The following EPS8L2 variants were observed in gnomAD, a reference collection of about 807,000 sequenced individuals.
The protein encoded by EPS8L2 is epidermal growth factor receptor kinase substrate 8-like protein 2.
EPS8L2 carries 81 observed loss-of-function variants against 99.4 expected under a neutral mutation model. That is an observed-to-expected ratio of 0.82 (90% CI 0.68 to 0.98). The LOEUF (loss-of-function observed/expected upper bound fraction) is 0.98, where lower values mean the gene tolerates loss of function less well. EPS8L2 is among the 50% of genes least tolerant of loss of function. The probability of loss-of-function intolerance (pLI) is 0.00; values close to 1 mark genes in which losing one functional copy is unlikely to be tolerated. For synonymous variants in EPS8L2, 509 were observed against 407.3 expected (o/e 1.25, Z -3.01); for missense variants, 1,155 against 968.8 (o/e 1.19, Z -2.55).
chr11:718,201 T>A (rs1260921764), intron 4 of EPS8L2, among the ~76,000 whole-genome samples: 1 of 151,546 alleles, frequency 6.6e-6, no homozygotes, highest in Non-Finnish European at 1.5e-5. Context: ...GGTGTGGTGG[T>A]GGGTGCCTAT....
At chr11:709,267 G>T (rs2133497568) in intron 1 of EPS8L2, 63 bp from the exon 2 acceptor site, 3 of 1,028,814 alleles carry the variant, frequency 2.9e-6, no homozygotes, top group Non-Finnish European at 2.9e-6. Flanking sequence ...TCTGGCCCAG[G>T]GAAGGAGGGG....
intron 20 of EPS8L2, 61 bp from the exon 21 acceptor site, chr11:726,840 G>A (rs774838977): frequency 3.1e-6 from 5 of 1,590,532 alleles, no homozygotes; most frequent in Non-Finnish European, 4.3e-6. Flanking sequence ...GAGCAAGGGG[G>A]AGGCCGGCAC....
chr11:711,269 CGTGTGTGT>C (rs201018308), intron 4 of EPS8L2, among the ~76,000 whole-genome samples: 2 of 117,276 alleles, frequency 1.7e-5, no homozygotes, highest in Non-Finnish European at 2.0e-5. Flanking sequence ...TGCGTGCGTG[CGTGTGTGT>C]GTGTGTGTGT....
chr11:715,385 T>C (rs964398639), intron 4 of EPS8L2, among the ~76,000 whole-genome samples: 1 of 152,204 alleles, frequency 6.6e-6, no homozygotes. Context: ...CTGTAAGATC[T>C]GTAGTGATGC....
intron 4 of EPS8L2, among the ~76,000 whole-genome samples, chr11:713,219 T>C (rs1408558919): frequency 2.0e-5 from 3 of 152,228 alleles, no homozygotes; most frequent in Non-Finnish European, 4.4e-5. Context: ...GGTTTGCTTT[T>C]TTCTAAGTTA....
At chr11:719,059 G>A (rs1455416031) in intron 4 of EPS8L2, among the ~76,000 whole-genome samples, 2 of 148,996 alleles carry the variant, frequency 1.3e-5, no homozygotes, top group Non-Finnish European at 3.0e-5. Flanking sequence ...TCTGCCTCCT[G>A]GGTTCAAGTG....
Position 723,222 on chromosome 11 carries a change from T to C in EPS8L2, c.1342-19T>C, listed in dbSNP as rs745485460. Reference sequence around the variant, plus strand: ...AGCCCCGCCCCATGTCTAACTCAGGTCGCCCACCTTCCCCACAGGTGAGTC... The same window carrying C: ...AGCCCCGCCCCATGTCTAACTCAGGCCGCCCACCTTCCCCACAGGTGAGTC... On this transcript the variant is annotated intron_variant, in intron 14 of 20. Transcript: ENST00000318562. 20 of 1,483,864 alleles carry C rather than the reference T, an allele frequency of 1.3e-5. No homozygotes were observed. The highest frequency in any genetic ancestry group is 1.9e-5 in the Admixed American group (1 of 52,632). 91.9% of individuals were successfully genotyped at this position (1,483,864 alleles called of 1,614,324 possible).
At chr11:717,658 C>T (rs1219432323) in intron 4 of EPS8L2, among the ~76,000 whole-genome samples, 4 of 151,622 alleles carry the variant, frequency 2.6e-5, no homozygotes, top group East Asian at 4.0e-4. Context: ...GCAGGAGGAT[C>T]GCTTCAGCCC....
At chr11:719,378 G>A (rs984999786) in intron 4 of EPS8L2, among the ~76,000 whole-genome samples, 2 of 152,228 alleles carry the variant, frequency 1.3e-5, no homozygotes. Flanking sequence ...ACCCTTCGTG[G>A]GAGGGTTTTA....
chr11:726,917 C>A lies in EPS8L2; in HGVS notation c.2084C>A (p.Ser695Ter). 6.2e-7 allele frequency: 1 copy of A among 1,613,074 alleles called. No homozygotes were observed. Among genetic ancestry groups the A allele is most frequent in the South Asian group, 1.1e-5 (1 of 90,896 alleles). ...KAFLEKQQSG[S>*]ELEELMNKFH... The stretch of plus-strand genomic sequence containing the variant: ...CCTCCCTAGAAGCAGCAAAGTGGGT[C>A]GGAGCTGGAAGAACTCATGAACAAG... Residue 695 changes from serine to a stop codon, truncating the protein, a stop_gained, in exon 21 of 21, where the codon TCG (serine) becomes TAG (stop). Coordinates refer to ENST00000318562, the MANE Select transcript of EPS8L2 (RefSeq NM_022772.4). LOFTEE classifies it high-confidence loss of function.
Position 721,357 on chromosome 11 carries a change from G to A in EPS8L2, c.768+5G>A. ...CAGAAGATAGAGAAGGAGACGGTGG[G>A]TGCCCGGGCCCGGCAGGTGGCCCCT... On this transcript the variant is annotated splice_donor_5th_base_variant and intron_variant, in intron 9 of 20. Coordinates refer to ENST00000318562, the MANE Select transcript of EPS8L2 (RefSeq NM_022772.4). The A allele has an allele frequency of 6.5e-7, 1 of 1,539,572 alleles. No homozygotes were observed. The highest frequency in any genetic ancestry group is 8.7e-7 in the Non-Finnish European group (1 of 1,146,186).
At chr11:721,011 G>T in intron 7 of EPS8L2, 53 bp from the exon 8 acceptor site, 1 of 1,497,412 alleles carries the variant, frequency 6.7e-7, no homozygotes, top group South Asian at 1.3e-5. Flanking sequence ...CGGCAGGGAG[G>T]GAGGGTCAGG....
intron 19 of EPS8L2, 59 bp from the exon 20 acceptor site, chr11:726,560 G>A: frequency 2.0e-6 from 3 of 1,510,558 alleles, no homozygotes; most frequent in Non-Finnish European, 1.8e-6. Flanking sequence ...AGCTGTCGGG[G>A]CGGGCGCCAG....
chr11:726,218 G>C lies in EPS8L2; in HGVS notation c.1753+48G>C, dbSNP rs1862315202. Reference sequence around the variant, plus strand: ...GGGGGTCCCGGGCCCAGGGCCACCTGGGGGAGGAAGTGTGGGGGGGGTCCC... The same window carrying C: ...GGGGGTCCCGGGCCCAGGGCCACCTCGGGGAGGAAGTGTGGGGGGGGTCCC... On this transcript the variant is annotated intron_variant, in intron 18 of 20. Coordinates refer to ENST00000318562, the MANE Select transcript of EPS8L2 (RefSeq NM_022772.4). 4.4e-6 allele frequency: 7 copies of C among 1,575,822 alleles called. No individual in the cohort carries two copies. In the East Asian group the frequency reaches 6.9e-5, roughly 16 times the overall value.
At position 720,579 on chromosome 11, in the gene EPS8L2, C is replaced by G. The variant is rs1342661032; in HGVS notation, c.328-18C>G. On this transcript the variant is annotated intron_variant, in intron 5 of 20. Transcript: ENST00000318562. ...CCAGACCCCGGGTGCGAGTCGTGTC[C>G]GCGCGATGTACCCGCAGGAGGAGCT... The G allele has an allele frequency of 1.9e-6, 3 of 1,591,430 alleles. No homozygotes were observed. The highest frequency in any genetic ancestry group is 2.6e-6 in the Non-Finnish European group (3 of 1,171,050).
At chr11:713,458 T>G (rs1056387167) in intron 4 of EPS8L2, among the ~76,000 whole-genome samples, 2 of 152,236 alleles carry the variant, frequency 1.3e-5, no homozygotes, top group African/African-American at 4.8e-5. Flanking sequence ...CTCAGCTCAC[T>G]GCAACCTCTG....
rs376203143 is a variant in EPS8L2 at position 710,495 on chromosome 11, C to T, written c.165+9C>T. 2 of 1,613,078 alleles carry T rather than the reference C, an allele frequency of 1.2e-6. No homozygotes were observed. The highest frequency in any genetic ancestry group is 2.2e-5 in the South Asian group (2 of 91,076). ...CGCAGTACCACGTCCAGGTAAGGCC[C>T]CGCCCCCAGGTAGGCTCCGCCCCCA... On this transcript the variant is annotated intron_variant, in intron 4 of 20. Coordinates refer to ENST00000318562, the MANE Select transcript of EPS8L2 (RefSeq NM_022772.4).
intron 4 of EPS8L2, among the ~76,000 whole-genome samples, chr11:714,087 GTTTTTC>G (rs1861955911): frequency 6.6e-6 from 1 of 152,144 alleles, no homozygotes; most frequent in Non-Finnish European, 1.5e-5. Context: ...ATTCGTATGT[GTTTTTC>G]TTTTATGGTT....
At chr11:711,230 G>C (rs1330426277) in intron 4 of EPS8L2, among the ~76,000 whole-genome samples, 1 of 151,072 alleles carries the variant, frequency 6.6e-6, no homozygotes, top group African/African-American at 2.4e-5. Flanking sequence ...ATGTTTTTTT[G>C]GGGGGTTTTG....
Sources: gnomAD v4.1 joint callset for allele counts (sites outside exome capture counted in the v4.1 genomes callset) on GRCh38, gnomAD v4.1.1 for gene constraint, MANE v1.5 for transcripts, NCBI Gene and HGNC (gene_info 2026-07-23, HGNC 2026-07-21) for gene names.